The following ZNF674 variants were observed in gnomAD, a reference collection of about 807,000 sequenced individuals.
ZNF674 encodes zinc finger family member 674.
A neutral mutation model predicts 7.0 loss-of-function variants in ZNF674; 2 were observed. The ratio of observed to expected loss-of-function variants is 0.29; its 90% CI spans 0.12 to 0.90. ZNF674 has a LOEUF of 0.90. ZNF674 is among the 40% of genes least tolerant of loss of function. ZNF674 has a pLI of 0.57. For synonymous variants in ZNF674, 103 were observed against 145.2 expected (o/e 0.71, Z 2.09); for missense variants, 297 against 415.5 (o/e 0.71, Z 2.48).
At chrX:46,513,250 GACT>G (rs1030058300) in intron 5 of ZNF674, among the ~76,000 whole-genome samples, 1 of 109,572 alleles carries the variant, frequency 9.1e-6, no homozygotes, top group African/African-American at 3.3e-5. Context: ...CAACGAGTGA[GACT>G]ACGTCTCAAA....
chrX:46,502,222 C>G (rs1343430936), intron 5 of ZNF674, among the ~76,000 whole-genome samples: 33 of 105,264 alleles, frequency 3.1e-4, no homozygotes, highest in Non-Finnish European at 1.9e-4. Flanking sequence ...AGGAGAATTG[C>G]TTGAAGCTGG....
At chrX:46,532,179 AAAAC>A (rs1942121818) in intron 3 of ZNF674, among the ~76,000 whole-genome samples, 1 of 111,885 alleles carries the variant, frequency 8.9e-6, no homozygotes, top group African/African-American at 3.2e-5. Context: ...AAAAAAACAA[AAAAC>A]AAAACAAAAC....
intron 5 of ZNF674, among the ~76,000 whole-genome samples, chrX:46,512,592 C>G (rs1941680208): frequency 1.9e-5 from 2 of 107,461 alleles, no homozygotes; most frequent in African/African-American, 6.8e-5. Flanking sequence ...GAAACCCCAT[C>G]TCTAACAAAA....
intron 5 of ZNF674, among the ~76,000 whole-genome samples, chrX:46,507,304 AG>A (rs1159703822): frequency 8.9e-6 from 1 of 111,805 alleles, no homozygotes; most frequent in Non-Finnish European, 1.9e-5. Flanking sequence ...GGCTGCAGTA[AG>A]CCAAGACCAT....
intron 3 of ZNF674, among the ~76,000 whole-genome samples, chrX:46,535,952 T>C (rs1295306206): frequency 1.8e-5 from 2 of 112,122 alleles, no homozygotes; most frequent in Non-Finnish European, 3.8e-5. Flanking sequence ...AGATATTGTC[T>C]TTTATCCATA....
chrX:46,520,496 T>C (rs745402502), intron 5 of ZNF674, among the ~76,000 whole-genome samples: 15 of 111,762 alleles, frequency 1.3e-4, no homozygotes, highest in Non-Finnish European at 2.4e-4. Flanking sequence ...AATATCCTGG[T>C]TGGGATACTG....
chrX:46,533,454 C>T (rs1942143153), intron 3 of ZNF674, among the ~76,000 whole-genome samples: 1 of 111,051 alleles, frequency 9.0e-6, no homozygotes, highest in Non-Finnish European at 1.9e-5. Context: ...GAATAACCCA[C>T]TGGCTGGTTA....
chrX:46,535,249 C>T (rs935392591), intron 3 of ZNF674, among the ~76,000 whole-genome samples: 6 of 110,832 alleles, frequency 5.4e-5, no homozygotes, highest in East Asian at 2.8e-4. Context: ...TGGGCTCAAG[C>T]GATCCTCCCA....
chrX:46,519,210 TTAGATAGATAGATAGATAGATAGATAGA>T (rs61702218), intron 5 of ZNF674, among the ~76,000 whole-genome samples: 1 of 74,352 alleles, frequency 1.3e-5, no homozygotes, highest in African/African-American at 5.3e-5. Context: ...CTCAGATAGA[TTAGATAGATAGATAGATAGATAGATAGA>T]TAGATAGATA....
intron 5 of ZNF674, among the ~76,000 whole-genome samples, chrX:46,508,863 G>A (rs770754609): frequency 1.8e-5 from 2 of 110,557 alleles, no homozygotes; most frequent in South Asian, 7.6e-4. Context: ...GGAGATTTTG[G>A]GCTGAGACAA....
In ZNF674 at chrX:46,499,968, T is replaced by G. The variant is rs757892785; in HGVS notation, c.1606A>C (p.Ile536Leu). Residue 536 changes from isoleucine (I) to leucine (L), a missense_variant, in exon 6 of 6, where the codon ATT becomes CTT. Physicochemically the swap from Ile to Leu is conservative, Grantham distance 5. Transcript: ENST00000683375. ...CCTGTATGAGTTCTGTGATGCACAATGAGAGTTGATTTCACACTGAAGGCC... is the reference window on the plus strand; with the variant it reads ...CCTGTATGAGTTCTGTGATGCACAAGGAGAGTTGATTTCACACTGAAGGCC... Reference protein sequence around the residue: ...GKAFSVKSTLIVHHRTHTGEK... With the variant: ...GKAFSVKSTLLVHHRTHTGEK... 1.9e-5 allele frequency: 23 copies of G among 1,200,883 alleles called. No homozygotes were observed. Among genetic ancestry groups the G allele is most frequent in the Non-Finnish European group, 2.5e-5 (22 of 889,583 alleles).
In ZNF674 at chrX:46,500,894, A is replaced by T; in HGVS notation, c.680T>A (p.Val227Glu). ...KLYKCTECGK[V>E]FIQKANLVVH... Reference sequence around the variant, plus strand: ...AACTAAGTTTGCTTTCTGGATAAACACTTTTCCACATTCAGTACATTTGTA... The same window carrying T: ...AACTAAGTTTGCTTTCTGGATAAACTCTTTTCCACATTCAGTACATTTGTA... The change falls in exon 6 of 6, where the codon GTG (valine) becomes GAG (glutamate). Residue 227 changes from valine (V) to glutamate (E), a missense_variant. Physicochemically the swap from Val to Glu is moderately radical, Grantham distance 121. Coordinates refer to ENST00000683375, the MANE Select transcript of ZNF674 (RefSeq NM_001190417.2). The T allele has an allele frequency of 8.4e-6, 10 of 1,183,444 alleles. No homozygotes were observed. Among genetic ancestry groups the T allele is most frequent in the Non-Finnish European group, 1.1e-5 (10 of 880,080 alleles).
At chrX:46,544,412 G>C (rs185808830) in intron 2 of ZNF674, 89 bp downstream of exon 2, 5 of 112,486 alleles carry the variant, frequency 4.4e-5, no homozygotes, top group East Asian at 5.6e-4. Context: ...TGTCCAAGGC[G>C]GCAGGACCAA....
intron 5 of ZNF674, among the ~76,000 whole-genome samples, chrX:46,519,265 AAGATAGATGAT>A (rs1256632566): frequency 6.1e-4 from 28 of 45,734 alleles, no homozygotes; most frequent in African/African-American, 1.8e-3. Context: ...TAGATAGATA[AAGATAGATGAT>A]AGATAGATAG....
intron 3 of ZNF674, among the ~76,000 whole-genome samples, chrX:46,540,644 G>C (rs1025300629): frequency 9.0e-6 from 1 of 111,464 alleles, no homozygotes; most frequent in African/African-American, 3.3e-5. Flanking sequence ...GGATTTCGGA[G>C]GGCAAATTTA....
rs182502847 is a variant in ZNF674 at position 46,515,612 on chromosome X, G to A, written c.238+12738C>T. Among the ~76,000 whole-genome samples, 12 of 110,907 alleles carry A rather than the reference G, an allele frequency of 1.1e-4. No individual in the cohort carries two copies. The East Asian group carries it at 3.4e-3, about 31-fold the overall frequency. On this transcript the variant is annotated intron_variant, in intron 5 of 5. Coordinates refer to ENST00000683375, the MANE Select transcript of ZNF674 (RefSeq NM_001190417.2). ...CATGTCAACACTTACCAAACTGTTT[G>A]CTTTATTTTTTATTTTTTGGAGACA... is the stretch of plus-strand genomic sequence containing the variant.
At chrX:46,539,974 G>A (rs1942263040) in intron 3 of ZNF674, among the ~76,000 whole-genome samples, 1 of 112,263 alleles carries the variant, frequency 8.9e-6, no homozygotes, top group Non-Finnish European at 1.9e-5. Context: ...GCCGGGTGCG[G>A]GGGCTCACGC....
At chrX:46,503,843 G>A (rs958323156) in intron 5 of ZNF674, among the ~76,000 whole-genome samples, 14 of 111,119 alleles carry the variant, frequency 1.3e-4, no homozygotes, top group Non-Finnish European at 2.6e-4. Context: ...AAAATATACA[G>A]CCTGGGCAAC....
intron 5 of ZNF674, among the ~76,000 whole-genome samples, chrX:46,519,257 GATAGATAA>G (rs1336658586): frequency 4.8e-5 from 3 of 62,506 alleles, no homozygotes; most frequent in African/African-American, 1.3e-4. Context: ...TAGATAGATA[GATAGATAA>G]AGATAGATGA....
Sources: allele counts gnomAD v4.1 joint callset (sites outside exome capture counted in the v4.1 genomes callset), GRCh38; gene constraint gnomAD v4.1.1; transcripts MANE v1.5; gene names NCBI Gene and HGNC (gene_info 2026-07-23, HGNC 2026-07-21).